AMMECR1: variants seen among roughly 807,000 people sequenced by gnomAD.
AMMECR1 encodes nuclear protein AMMECR1.
Under a neutral mutation model 22.5 loss-of-function variants are expected in AMMECR1, and 3 were observed. The ratio of observed to expected loss-of-function variants is 0.13; its 90% CI spans 0.06 to 0.35. The LOEUF is 0.35. Ranked by LOEUF, AMMECR1 falls within the 10% of genes least tolerant of loss-of-function variation. The pLI, the probability that AMMECR1 is intolerant of heterozygous loss-of-function variation, is 1.00. For missense variants in AMMECR1, 235 were observed against 278.7 expected, an observed-to-expected ratio of 0.84 and a Z score of 1.12; for synonymous variants, 130 against 116.7, an observed-to-expected ratio of 1.11 and a Z score of -0.74.
intron 2 of AMMECR1, among the ~76,000 whole-genome samples, chrX:110,238,109 G>A (rs779955171): frequency 8.9e-6 from 1 of 111,745 alleles, no homozygotes; most frequent in African/African-American, 3.3e-5. Context: ...GTCTCTGGGG[G>A]ACTTCTACTT....
At position 110,196,636 on chromosome X, in the gene AMMECR1, C is replaced by T. The variant is rs1315027955; in HGVS notation, c.*1884G>A. On this transcript the variant is annotated 3_prime_UTR_variant, in exon 6 of 6. Coordinates refer to ENST00000262844, the MANE Select transcript of AMMECR1 (RefSeq NM_015365.3). ...TCATTGAAACTGGCTACCAAGATTGCATTTCAGGCTAACAATTGGCTTCTT... is the reference window on the plus strand; with the variant it reads ...TCATTGAAACTGGCTACCAAGATTGTATTTCAGGCTAACAATTGGCTTCTT... 1 of 111,653 alleles carries T rather than the reference C, an allele frequency of 9.0e-6. No individual in the cohort carries two copies. Among genetic ancestry groups the T allele is most frequent in the Non-Finnish European group, 1.9e-5 (1 of 53,064 alleles). 9.2% of individuals were successfully genotyped at this position (111,653 alleles called of 1,213,427 possible). A position where few individuals can be genotyped will look rare whatever the true frequency, so the allele number is the denominator to read the frequency against.
At chrX:110,382,392 G>A (rs1175020176) in intron 2 of AMMECR1, among the ~76,000 whole-genome samples, 1 of 111,222 alleles carries the variant, frequency 9.0e-6, no homozygotes, top group East Asian at 2.8e-4. Context: ...CCAGGATCTG[G>A]GAGACATGGA....
chrX:110,231,053 T>C (rs765567337), intron 2 of AMMECR1, among the ~76,000 whole-genome samples: 4 of 112,038 alleles, frequency 3.6e-5, no homozygotes, highest in Non-Finnish European at 5.6e-5. Context: ...CTACGTGTGA[T>C]TGGTGTACCT....
At chrX:110,429,961 G>A (rs1216244211) in intron 1 of AMMECR1, among the ~76,000 whole-genome samples, 1 of 111,878 alleles carries the variant, frequency 8.9e-6, no homozygotes. Context: ...TTGTAATTTT[G>A]GATTATGAGT....
At chrX:110,412,356 A>G (rs2068646935) in intron 2 of AMMECR1, among the ~76,000 whole-genome samples, 1 of 112,399 alleles carries the variant, frequency 8.9e-6, no homozygotes, top group African/African-American at 3.2e-5. Context: ...GAAAAAACTA[A>G]ATGACCTCGG....
chrX:110,218,042 C>G (rs2067482835), intron 2 of AMMECR1, among the ~76,000 whole-genome samples: 1 of 111,451 alleles, frequency 9.0e-6, no homozygotes, highest in Non-Finnish European at 1.9e-5. Context: ...ACTCTGAGAA[C>G]AGCATTTCAC....
At chrX:110,223,065 C>A (rs2067512725) in intron 2 of AMMECR1, among the ~76,000 whole-genome samples, 1 of 111,976 alleles carries the variant, frequency 8.9e-6, no homozygotes, top group Admixed American at 9.5e-5. Flanking sequence ...CAGAATCTGC[C>A]TCCTAGGCCA....
At chrX:110,302,841 T>G (rs368383370) in intron 1 of AMMECR1, among the ~76,000 whole-genome samples, 11 of 109,643 alleles carry the variant, frequency 1.0e-4, no homozygotes, top group African/African-American at 3.3e-4. Flanking sequence ...GCCATTGCAC[T>G]CCAGTCTAGG....
intron 2 of AMMECR1, among the ~76,000 whole-genome samples, chrX:110,392,032 G>A (rs2068497599): frequency 8.9e-6 from 1 of 112,181 alleles, no homozygotes; most frequent in African/African-American, 3.2e-5. Context: ...AAGTTCCCAT[G>A]AGAGTATATT....
intron 2 of AMMECR1, among the ~76,000 whole-genome samples, chrX:110,217,502 T>TACACACACACACACACAC (rs759487797): frequency 1.2e-3 from 104 of 88,586 alleles, no homozygotes; most frequent in African/African-American, 4.0e-3. Flanking sequence ...GAATAGAAAA[T>TACACACACACACACACAC]ACACACACAC....
intron 2 of AMMECR1, among the ~76,000 whole-genome samples, chrX:110,357,248 T>G (rs1194513082): frequency 8.9e-6 from 1 of 112,325 alleles, no homozygotes; most frequent in East Asian, 2.8e-4. Context: ...GTAACGTAGG[T>G]GTATCTAATA....
At chrX:110,382,697 C>G (rs907835484) in intron 2 of AMMECR1, among the ~76,000 whole-genome samples, 3 of 111,462 alleles carry the variant, frequency 2.7e-5, no homozygotes, top group African/African-American at 9.8e-5. Flanking sequence ...TCTCCTTTCC[C>G]TTTCCTCTGC....
intron 2 of AMMECR1, among the ~76,000 whole-genome samples, chrX:110,264,229 A>C (rs962949462): frequency 9.0e-6 from 1 of 111,176 alleles, no homozygotes; most frequent in African/African-American, 3.3e-5. Context: ...ATACAAAATA[A>C]GCTGGCCACT....
At chrX:110,253,741 A>C (rs2067697057) in intron 2 of AMMECR1, among the ~76,000 whole-genome samples, 1 of 111,433 alleles carries the variant, frequency 9.0e-6, no homozygotes, top group African/African-American at 3.3e-5. Context: ...TTTTGGCCAT[A>C]CCATTTTCAG....
chrX:110,215,199 C>A (rs1433102640), intron 3 of AMMECR1, among the ~76,000 whole-genome samples: 1 of 111,826 alleles, frequency 8.9e-6, no homozygotes, highest in Admixed American at 9.5e-5. Context: ...TGTTCATATT[C>A]TGATAATGCT....
At chrX:110,336,351 C>T (rs991892535) in intron 2 of AMMECR1, among the ~76,000 whole-genome samples, 4 of 110,461 alleles carry the variant, frequency 3.6e-5, no homozygotes, top group African/African-American at 6.6e-5. Flanking sequence ...TTTAGGTACT[C>T]GTAGATGAAC....
chrX:110,408,288 A>G (rs774257118), intron 2 of AMMECR1, among the ~76,000 whole-genome samples: 3 of 112,219 alleles, frequency 2.7e-5, no homozygotes, highest in African/African-American at 9.7e-5. Flanking sequence ...CCAGTTCCAC[A>G]GAAACTGAAT....
intron 2 of AMMECR1, among the ~76,000 whole-genome samples, chrX:110,323,792 G>A (rs1490257669): frequency 9.0e-6 from 1 of 111,605 alleles, no homozygotes. Context: ...CCTAGTGGTG[G>A]AGTTATTGTG....
At chrX:110,395,422 T>A (rs976916513) in intron 2 of AMMECR1, among the ~76,000 whole-genome samples, 1 of 111,748 alleles carries the variant, frequency 8.9e-6, no homozygotes, top group African/African-American at 3.3e-5. Context: ...TTGGAGGGCA[T>A]ACCGCCTACC....
Sources: gnomAD v4.1 joint callset for allele counts (sites outside exome capture counted in the v4.1 genomes callset) on GRCh38, gnomAD v4.1.1 for gene constraint, MANE v1.5 for transcripts, NCBI Gene and HGNC (gene_info 2026-07-23, HGNC 2026-07-21) for gene names.